The following CSGALNACT1 variants were observed in gnomAD, a reference collection of about 807,000 sequenced individuals.
CSGALNACT1 encodes beta4GalNAcT-1.
CSGALNACT1 carries 52 observed loss-of-function variants against 51.0 expected under a neutral mutation model. That is an observed-to-expected ratio of 1.02 (90% CI 0.82 to 1.29). The LOEUF (loss-of-function observed/expected upper bound fraction) is 1.29. Ranked by LOEUF, CSGALNACT1 falls within the 50% of genes most tolerant of loss-of-function variation. The pLI, the probability that CSGALNACT1 is intolerant of heterozygous loss-of-function variation, is 0.00. For synonymous variants in CSGALNACT1, 341 were observed against 254.4 expected, an observed-to-expected ratio of 1.34 and a Z score of -3.24; for missense variants, 935 against 679.2, an observed-to-expected ratio of 1.38 and a Z score of -4.19.
chr8:19,611,353 C>A (rs374700348), intron 1 of CSGALNACT1, among the ~76,000 whole-genome samples: 69 of 152,238 alleles, frequency 4.5e-4, no homozygotes, highest in African/African-American at 1.6e-3. Context: ...CACCACCACA[C>A]CCGGTTTAAG....
At chr8:19,431,807 T>C (rs1189632172) in intron 6 of CSGALNACT1, among the ~76,000 whole-genome samples, 1 of 112,164 alleles carries the variant, frequency 8.9e-6, no homozygotes, top group African/African-American at 2.7e-5. Context: ...TGGAAAGTTC[T>C]TTTTTCTTTT....
chr8:19,456,050 T>C (rs559626396), intron 5 of CSGALNACT1, among the ~76,000 whole-genome samples: 2 of 152,310 alleles, frequency 1.3e-5, no homozygotes, highest in East Asian at 3.9e-4. Context: ...TGCCCTGGGA[T>C]TTTTGTGTTC....
intron 1 of CSGALNACT1, among the ~76,000 whole-genome samples, chr8:19,638,685 G>C (rs1434140239): frequency 6.6e-6 from 1 of 152,052 alleles, no homozygotes; most frequent in Non-Finnish European, 1.5e-5. Context: ...TCATATAAGT[G>C]AGAACAGAAC....
chr8:19,545,593 T>C (rs2086273310), intron 3 of CSGALNACT1, among the ~76,000 whole-genome samples: 1 of 151,980 alleles, frequency 6.6e-6, no homozygotes, highest in Non-Finnish European at 1.5e-5. Flanking sequence ...AAACATAATA[T>C]GCATTCAATA....
At chr8:19,430,217 T>C (rs2059442587) in intron 6 of CSGALNACT1, among the ~76,000 whole-genome samples, 1 of 152,230 alleles carries the variant, frequency 6.6e-6, no homozygotes, top group Admixed American at 6.5e-5. Flanking sequence ...TCAACTTATC[T>C]GCTTATTCTC....
chr8:19,677,960 C>CA (rs1364993560), intron 1 of CSGALNACT1, among the ~76,000 whole-genome samples: 4 of 151,328 alleles, frequency 2.6e-5, no homozygotes, highest in African/African-American at 9.8e-5. Flanking sequence ...TACTGAAAAA[C>CA]AAAAAATTAG....
intron 3 of CSGALNACT1, among the ~76,000 whole-genome samples, chr8:19,507,864 T>G (rs1191659679): frequency 6.6e-6 from 1 of 152,210 alleles, no homozygotes; most frequent in East Asian, 1.9e-4. Flanking sequence ...CCTGACCTTG[T>G]GATCCGCCCG....
At chr8:19,505,321 C>T in exon 4 of CSGALNACT1, 1 of 1,614,210 alleles carries the variant, frequency 6.2e-7, no homozygotes. Flanking sequence ...TCCTTCCTCA[C>T]AGGCTTCTCC....
chr8:19,739,724 A>G (rs892497688), intron 1 of CSGALNACT1, among the ~76,000 whole-genome samples: 1 of 152,212 alleles, frequency 6.6e-6, no homozygotes, highest in African/African-American at 2.4e-5. Context: ...CTCTTGCGCC[A>G]TGAGCACGAG....
At chr8:19,745,326 T>G (rs181808007) in intron 1 of CSGALNACT1, among the ~76,000 whole-genome samples, 1 of 152,316 alleles carries the variant, frequency 6.6e-6, no homozygotes, top group East Asian at 1.9e-4. Context: ...TTATCTCTCT[T>G]TGGGTACATA....
chr8:19,434,442 G>T (rs1035269937), intron 6 of CSGALNACT1, among the ~76,000 whole-genome samples: 2 of 152,106 alleles, frequency 1.3e-5, no homozygotes, highest in African/African-American at 4.8e-5. Context: ...TTGAGAGTTA[G>T]TTTCAGACAT....
At chr8:19,589,276 C>G (rs2047304394) in intron 3 of CSGALNACT1, among the ~76,000 whole-genome samples, 1 of 152,170 alleles carries the variant, frequency 6.6e-6, no homozygotes, top group Non-Finnish European at 1.5e-5. Flanking sequence ...AGTTATCATT[C>G]TAAAGCTACC....
At chr8:19,560,231 C>A (rs978656770) in intron 3 of CSGALNACT1, among the ~76,000 whole-genome samples, 5 of 152,130 alleles carry the variant, frequency 3.3e-5, no homozygotes, top group African/African-American at 1.2e-4. Context: ...TCACACCACA[C>A]ATAATAATTT....
At chr8:19,658,062 C>CAA (rs397973082) in intron 1 of CSGALNACT1, among the ~76,000 whole-genome samples, 7,777 of 83,942 alleles carry the variant, frequency 0.093, 379 homozygotes, top group African/African-American at 0.11. Context: ...ACCCTCCTTC[C>CAA]AAAAAAAAAA....
chr8:19,553,927 C>A (rs530125963), intron 3 of CSGALNACT1, among the ~76,000 whole-genome samples: 8 of 117,802 alleles, frequency 6.8e-5, no homozygotes, highest in Admixed American at 4.0e-4. Context: ...ACACACACAC[C>A]CAGAATCAAT....
intron 1 of CSGALNACT1, among the ~76,000 whole-genome samples, chr8:19,699,033 T>G (rs1197660576): frequency 2.0e-5 from 3 of 152,164 alleles, no homozygotes; most frequent in African/African-American, 7.2e-5. Flanking sequence ...TGTATTGCTT[T>G]TTTCTTTTTT....
chr8:19,649,170 C>T lies in CSGALNACT1; in HGVS notation c.-544+33303G>A, dbSNP rs1014555234. Among the ~76,000 whole-genome samples, 31 of 152,144 alleles carry T rather than the reference C, an allele frequency of 2.0e-4. 1 individual carries two copies. The highest frequency in any genetic ancestry group is 2.0e-3 in the Admixed American group (31 of 15,280). On this transcript the variant is annotated intron_variant, in intron 1 of 9. Coordinates refer to the CSGALNACT1 transcript ENST00000332246. ...CAGTGATTCTAATATTCCCATTTTG[C>T]AGATGAGAAAAATGGAGGCACAAGG...
intron 4 of CSGALNACT1, among the ~76,000 whole-genome samples, chr8:19,492,568 C>T (rs1185695314): frequency 6.6e-6 from 1 of 152,214 alleles, no homozygotes; most frequent in Non-Finnish European, 1.5e-5. Context: ...CCAAGCCTCA[C>T]CTGTGTCATG....
chr8:19,408,178 T>A (rs926502547), intron 9 of CSGALNACT1, among the ~76,000 whole-genome samples: 1 of 152,146 alleles, frequency 6.6e-6, no homozygotes, highest in African/African-American at 2.4e-5. Flanking sequence ...CTGGATGCAA[T>A]AAGCAGCCTT....
Sources: gnomAD v4.1 joint callset for allele counts (sites outside exome capture counted in the v4.1 genomes callset) on GRCh38, gnomAD v4.1.1 for gene constraint, MANE v1.5 for transcripts, NCBI Gene and HGNC (gene_info 2026-07-23, HGNC 2026-07-21) for gene names.